Variants in NCAM2 observed in about 807,000 individuals in gnomAD.
NCAM2 encodes N-CAM-2.
In NCAM2, 30 loss-of-function variants were observed where a neutral mutation model predicts 98.1. The observed-to-expected ratio is 0.31, with a 90% CI of 0.23 to 0.41. NCAM2 has a LOEUF of 0.41. Ranked by LOEUF, NCAM2 falls within the 10% of genes least tolerant of loss-of-function variation. NCAM2 has a pLI of 1.00. For synonymous variants in NCAM2, 368 were observed against 342.4 expected, an observed-to-expected ratio of 1.07 and a Z score of -0.83; for missense variants, 867 against 1,005.8, an observed-to-expected ratio of 0.86 and a Z score of 1.87.
chr21:21,538,223 A>G lies in NCAM2; in HGVS notation c.*266A>G, dbSNP rs760171789. On this transcript the variant is annotated 3_prime_UTR_variant, in exon 18 of 18. Coordinates refer to ENST00000400546, the MANE Select transcript of NCAM2 (RefSeq NM_004540.5). ...ACACTTTGGTATTCAATTTGATTCT[A>G]TGACTGAAGTACTGGAATTTATTAT... 13 of 229,880 alleles carry G rather than the reference A, an allele frequency of 5.7e-5. No homozygotes were observed. The highest frequency in any genetic ancestry group is 4.5e-4 in the Admixed American group (8 of 17,618). 14.2% of individuals were successfully genotyped at this position (229,880 alleles called of 1,614,324 possible). A position where few individuals can be genotyped will look rare whatever the true frequency, so the allele number is the denominator to read the frequency against.
intron 1 of NCAM2, among the ~76,000 whole-genome samples, chr21:21,235,475 T>C (rs1402376863): frequency 1.3e-5 from 2 of 152,102 alleles, no homozygotes; most frequent in Non-Finnish European, 2.9e-5. Context: ...CACTTCATTT[T>C]CTCAATTCAT....
At chr21:21,234,922 G>A (rs1003809838) in intron 1 of NCAM2, among the ~76,000 whole-genome samples, 8 of 151,992 alleles carry the variant, frequency 5.3e-5, no homozygotes, top group Admixed American at 4.6e-4. Flanking sequence ...GCAGCTAAGG[G>A]TATTTTAATT....
At chr21:21,524,340 T>C (rs1326032864) in intron 16 of NCAM2, among the ~76,000 whole-genome samples, 1 of 150,646 alleles carries the variant, frequency 6.6e-6, no homozygotes, top group Non-Finnish European at 1.5e-5. Context: ...CAAAAATTAA[T>C]ACAACTTAAT....
chr21:21,388,786 A>G (rs912447662), intron 9 of NCAM2, among the ~76,000 whole-genome samples: 15 of 152,192 alleles, frequency 9.9e-5, no homozygotes, highest in Admixed American at 7.9e-4. Flanking sequence ...AATGCAGAAG[A>G]GGCTTTCCCA....
At chr21:21,331,534 T>TATATATATATATATATATAC (rs1388107613) in intron 6 of NCAM2, among the ~76,000 whole-genome samples, 9 of 10,916 alleles carry the variant, frequency 8.2e-4, no homozygotes, top group Non-Finnish European at 2.0e-3. Flanking sequence ...TATATATATA[T>TATATATATATATATATATAC]ACTCTATATA....
At chr21:21,040,146 A>T (rs1427759798) in intron 1 of NCAM2, among the ~76,000 whole-genome samples, 9 of 152,184 alleles carry the variant, frequency 5.9e-5, no homozygotes, top group Admixed American at 5.9e-4. Flanking sequence ...AGATTTTTAT[A>T]GAGTTATAGA....
chr21:21,247,045 C>T (rs763031391), intron 1 of NCAM2, among the ~76,000 whole-genome samples: 8 of 151,610 alleles, frequency 5.3e-5, no homozygotes, highest in Non-Finnish European at 1.2e-4. Flanking sequence ...TTAGACTAGG[C>T]GCGTTGGCTC....
At chr21:21,124,989 A>T (rs2066756826) in intron 1 of NCAM2, among the ~76,000 whole-genome samples, 1 of 152,194 alleles carries the variant, frequency 6.6e-6, no homozygotes, top group South Asian at 2.1e-4. Context: ...TAAGCCAGAA[A>T]TATAAGCTAA....
intron 1 of NCAM2, among the ~76,000 whole-genome samples, chr21:21,163,192 G>A (rs2067841761): frequency 6.6e-6 from 1 of 152,128 alleles, no homozygotes; most frequent in Admixed American, 6.6e-5. Context: ...TTCCACTGAA[G>A]AAGCTTACAG....
At chr21:21,269,422 G>A (rs1416829513) in intron 1 of NCAM2, among the ~76,000 whole-genome samples, 3 of 152,104 alleles carry the variant, frequency 2.0e-5, no homozygotes, top group Non-Finnish European at 4.4e-5. Flanking sequence ...TCCATGCATG[G>A]CTTTTGAATG....
At chr21:21,126,234 C>CAAAAAAAAA (rs1358951442) in intron 1 of NCAM2, among the ~76,000 whole-genome samples, 1 of 9,468 alleles carries the variant, frequency 1.1e-4, no homozygotes, top group Non-Finnish European at 2.6e-4. Context: ...TATCATGGAA[C>CAAAAAAAAA]ATAAAAAAAA....
chr21:21,488,438 T>A, intron 15 of NCAM2, among the ~76,000 whole-genome samples: 1 of 152,084 alleles, frequency 6.6e-6, no homozygotes, highest in East Asian at 1.9e-4. Context: ...CAAGAAAGAA[T>A]TAAACCATGA....
intron 1 of NCAM2, among the ~76,000 whole-genome samples, chr21:21,276,882 G>T (rs924203311): frequency 6.6e-6 from 1 of 151,870 alleles, no homozygotes; most frequent in East Asian, 1.9e-4. Flanking sequence ...ATGTGCATTG[G>T]TAATTTGTAC....
chr21:21,061,043 TGA>T (rs2146328281), intron 1 of NCAM2, among the ~76,000 whole-genome samples: 1 of 152,256 alleles, frequency 6.6e-6, no homozygotes, highest in Admixed American at 6.5e-5. Context: ...ATAAGTTTGC[TGA>T]GAGGAAAAGG....
chr21:21,351,874 G>T (rs113731164), intron 8 of NCAM2, among the ~76,000 whole-genome samples: 36 of 152,190 alleles, frequency 2.4e-4, no homozygotes, highest in African/African-American at 8.7e-4. Flanking sequence ...AGCCTCTGGA[G>T]TTGCTAGGAT....
chr21:21,380,515 G>A (rs150337636), intron 9 of NCAM2, among the ~76,000 whole-genome samples: 2 of 151,762 alleles, frequency 1.3e-5, no homozygotes, highest in South Asian at 2.1e-4. Flanking sequence ...TCATGTGTGG[G>A]TCGGGCTGTG....
chr21:21,354,226 C>G (rs1393500088), intron 8 of NCAM2, among the ~76,000 whole-genome samples: 1 of 152,068 alleles, frequency 6.6e-6, no homozygotes, highest in Non-Finnish European at 1.5e-5. Context: ...GTAGTATAGA[C>G]CTACATCCAC....
At chr21:21,490,185 T>C (rs530290079) in intron 15 of NCAM2, among the ~76,000 whole-genome samples, 28 of 152,136 alleles carry the variant, frequency 1.8e-4, no homozygotes, top group African/African-American at 6.7e-4. Context: ...CCTGGAATAG[T>C]CCATAACATC....
intron 12 of NCAM2, among the ~76,000 whole-genome samples, chr21:21,462,643 TAAGTTA>T (rs1444859880): frequency 6.6e-6 from 1 of 152,066 alleles, no homozygotes; most frequent in African/African-American, 2.4e-5. Context: ...CTGTCATTTT[TAAGTTA>T]AAGTGTTTTT....
Sources: gnomAD v4.1 joint callset for allele counts (sites outside exome capture counted in the v4.1 genomes callset) on GRCh38, gnomAD v4.1.1 for gene constraint, MANE v1.5 for transcripts, NCBI Gene and HGNC (gene_info 2026-07-23, HGNC 2026-07-21) for gene names.